NOTCH2: variants seen among roughly 807,000 people sequenced by gnomAD.
The protein encoded by NOTCH2 is notch receptor 2, also known as neurogenic locus notch homolog protein 2.
In NOTCH2, 29 loss-of-function variants were observed where a neutral mutation model predicts 235.8. That is an observed-to-expected ratio of 0.12 (90% CI 0.09 to 0.17). The LOEUF (loss-of-function observed/expected upper bound fraction) is 0.17, where lower values mean the gene tolerates loss of function less well. NOTCH2 is among the 10% of genes least tolerant of loss of function. NOTCH2 has a pLI of 1.00. For synonymous variants in NOTCH2, 1,086 were observed against 1,141.5 expected (o/e 0.95, Z 0.98); for missense variants, 2,285 against 3,150.2 (o/e 0.73, Z 6.57).
intron 1 of NOTCH2, among the ~76,000 whole-genome samples, chr1:120,047,765 GTTTT>G (rs782246481): frequency 2.7e-5 from 3 of 109,276 alleles, no homozygotes; most frequent in African/African-American, 8.6e-5. Flanking sequence ...CTTTACCTTG[GTTTT>G]TTTTTTTTTT....
chr1:119,916,296 A>C lies in NOTCH2; in HGVS notation c.6426T>G (p.Ser2142=). 5 of 1,614,214 alleles carry C rather than the reference A, an allele frequency of 3.1e-6. No homozygotes were observed. The highest frequency in any genetic ancestry group is 4.2e-6 in the Non-Finnish European group (5 of 1,180,024). Residue 2142 remains serine (S), a synonymous_variant, in exon 34 of 34, where the codon TCT becomes TCG. Transcript: ENST00000256646. ...KKSLSEKVQL[S]ESSVTLSPVD... is the part of the protein sequence containing the mutation. The stretch of plus-strand genomic sequence containing the variant: ...CAGGGGATAAAGTTACTGAACTCTC[A>C]GACAGTTGGACCTTCTCACTCAGAG...
chr1:119,922,483 A>C, intron 27 of NOTCH2, 37 bp from the exon 28 acceptor site: 1 of 1,598,254 alleles, frequency 6.3e-7, no homozygotes, highest in South Asian at 1.1e-5. Flanking sequence ...TGCTGAATAA[A>C]ACATTAACCT....
rs1553199544 is a variant in NOTCH2, at chr1:119,965,433, A to C, written c.1681+20T>G. On this transcript the variant is annotated intron_variant, in intron 10 of 33. Transcript: ENST00000256646. ...TTCAGATGGACCTACCAAGGAGATG[A>C]AAAGTGAGAAGAATCTTACCTGTGG... is the stretch of plus-strand genomic sequence containing the variant. The C allele has an allele frequency of 6.3e-7, 1 of 1,580,386 alleles. No individual in the cohort carries two copies. Among genetic ancestry groups the C allele is most frequent in the South Asian group, 1.1e-5 (1 of 90,422 alleles).
At position 119,997,309 on chromosome 1, in the gene NOTCH2, C is replaced by A. The variant is rs782085551; in HGVS notation, c.439G>T (p.Ala147Ser). ...FTGKECQWTD[A>S]CLSHPCANGS... ...TTTGCACAGGGATGAGACAGGCAGG[C>A]ATCCGTCCATTGGCACTCCTTACCT... is the stretch of plus-strand genomic sequence containing the variant. The change falls in exon 4 of 34, where the codon GCC becomes TCC. Residue 147 changes from alanine (A) to serine (S), a missense_variant. Physicochemically the swap from Ala to Ser is moderately conservative, Grantham distance 99. This residue lies in a region of NOTCH2 where 431 missense variants were observed against 757.8 expected (regional missense o/e 0.57). Transcript: ENST00000256646. 9.3e-6 allele frequency: 15 copies of A among 1,613,926 alleles called. No homozygotes were observed. Among genetic ancestry groups the A allele is most frequent in the Middle Eastern group, 1.6e-4 (1 of 6,078 alleles).
intron 5 of NOTCH2, among the ~76,000 whole-genome samples, chr1:119,974,367 C>A (rs1372132886): frequency 6.6e-6 from 1 of 152,174 alleles, no homozygotes; most frequent in Non-Finnish European, 1.5e-5. Flanking sequence ...AGGCAGTGGA[C>A]TAGTTAGGCT....
chr1:119,999,872 AC>A (rs1652645527), intron 3 of NOTCH2, among the ~76,000 whole-genome samples: 1 of 149,720 alleles, frequency 6.7e-6, no homozygotes, highest in African/African-American at 2.5e-5. Context: ...GAGAAGAAAG[AC>A]AGACAGAAAG....
At position 119,948,658 on chromosome 1, in the gene NOTCH2, A is replaced by T. The variant is rs1650347081; in HGVS notation, c.2600-92T>A. 10 of 1,442,836 alleles carry T rather than the reference A, an allele frequency of 6.9e-6. No individual in the cohort carries two copies. In the Admixed American group the frequency reaches 1.7e-4, roughly 24 times the overall value. The allele number at this position is 1,442,836 out of a possible 1,614,324, so 89.4% of individuals were successfully genotyped here. On this transcript the variant is annotated intron_variant, in intron 16 of 33. Coordinates refer to ENST00000256646, the MANE Select transcript of NOTCH2 (RefSeq NM_024408.4). The stretch of plus-strand genomic sequence containing the variant: ...ACCTGAGCTTAGTTGGGGTGCATGG[A>T]GCTATTCCACAGACAAACTGGTTGG...
intron 5 of NOTCH2, among the ~76,000 whole-genome samples, chr1:119,973,705 C>G (rs1462801533): frequency 6.6e-6 from 1 of 152,100 alleles, no homozygotes; most frequent in Admixed American, 6.5e-5. Context: ...CAGAAGGTCA[C>G]TAGATATTTG....
intron 5 of NOTCH2, among the ~76,000 whole-genome samples, chr1:119,985,124 A>G (rs1351366538): frequency 2.0e-5 from 3 of 152,174 alleles, no homozygotes; most frequent in African/African-American, 7.2e-5. Context: ...TGAAGCCATG[A>G]AAGGCTTCAT....
chr1:120,016,024 T>TA (rs1469824654), intron 2 of NOTCH2, among the ~76,000 whole-genome samples: 4 of 126,602 alleles, frequency 3.2e-5, no homozygotes, highest in African/African-American at 1.2e-4. Flanking sequence ...AAAAGAACTT[T>TA]AAAAAAAAGT....
intron 3 of NOTCH2, among the ~76,000 whole-genome samples, chr1:120,003,313 C>A (rs1553205771): frequency 6.6e-6 from 1 of 151,452 alleles, no homozygotes; most frequent in African/African-American, 2.4e-5. Context: ...ATTGTGGGAC[C>A]TTGTGATCAT....
chr1:119,948,912 A>G, intron 16 of NOTCH2, 95 bp downstream of exon 16: 1 of 1,496,008 alleles, frequency 6.7e-7, no homozygotes, highest in South Asian at 1.1e-5. Context: ...CAGGCCTCAT[A>G]AGACCAGCAG....
chr1:120,064,590 C>G (rs1655431478), intron 1 of NOTCH2, among the ~76,000 whole-genome samples: 1 of 151,962 alleles, frequency 6.6e-6, no homozygotes, highest in African/African-American at 2.4e-5. Flanking sequence ...CAGACAAGTT[C>G]TGTAGTACAG....
chr1:120,040,775 T>C (rs1654512622), intron 1 of NOTCH2, among the ~76,000 whole-genome samples: 1 of 149,842 alleles, frequency 6.7e-6, no homozygotes, highest in Non-Finnish European at 1.5e-5. Flanking sequence ...CGGTGGCTCA[T>C]GTCTTTAATC....
intron 2 of NOTCH2, among the ~76,000 whole-genome samples, chr1:120,009,797 C>G (rs1489885789): frequency 6.7e-6 from 1 of 149,914 alleles, no homozygotes; most frequent in Admixed American, 6.6e-5. Flanking sequence ...AAGTCTTAGT[C>G]TGGATTGCTG....
At chr1:120,065,801 G>C (rs1557868530) in intron 1 of NOTCH2, among the ~76,000 whole-genome samples, 1 of 152,186 alleles carries the variant, frequency 6.6e-6, no homozygotes. Flanking sequence ...ATCAGGAAAG[G>C]GTGGAAGGAA....
Position 119,914,993 on chromosome 1 carries a change from G to C in NOTCH2, c.*313C>G. On this transcript the variant is annotated 3_prime_UTR_variant, in exon 34 of 34. Transcript: ENST00000256646. ...GCTTAAAATGCAGTCCAAGCTGCAA[G>C]AATGTCTGGGCTTCAATAAGCATCC... The C allele has an allele frequency of 2.2e-6, 1 of 464,054 alleles. No individual in the cohort carries two copies. Among genetic ancestry groups the C allele is most frequent in the East Asian group, 3.8e-5 (1 of 26,090 alleles). The allele number at this position is 464,054 out of a possible 1,614,324, so 28.7% of individuals were successfully genotyped here.
At chr1:120,045,810 T>C (rs1180776713) in intron 1 of NOTCH2, among the ~76,000 whole-genome samples, 4 of 152,226 alleles carry the variant, frequency 2.6e-5, no homozygotes, top group African/African-American at 7.2e-5. Context: ...AGAACAAATA[T>C]CTTAGACATT....
rs1446092371 is a variant in NOTCH2 at position 119,915,718 on chromosome 1, G to C, written c.7004C>G (p.Pro2335Arg). Residue 2335 changes from proline to arginine, a missense_variant, in exon 34 of 34, where the codon CCC becomes CGC. This residue lies in a region of NOTCH2 where 504 missense variants were observed against 538.0 expected (regional missense o/e 0.94). Coordinates refer to ENST00000256646, the MANE Select transcript of NOTCH2 (RefSeq NM_024408.4). ...QSTCPPAVAG[P>R]LPTMYQIPEM... ...TGGAATCTGGTACATGGTGGGCAGG[G>C]GGCCCGCAACAGCTGGAGGGCAGGT... 6.2e-7 allele frequency: 1 copy of C among 1,609,240 alleles called. No individual in the cohort carries two copies. The highest frequency in any genetic ancestry group is 8.5e-7 in the Non-Finnish European group (1 of 1,176,808).
Sources: gnomAD v4.1 joint callset for allele counts (sites outside exome capture counted in the v4.1 genomes callset) on GRCh38, gnomAD v4.1.1 for gene constraint, gnomAD v4.1.1 regional missense constraint, MANE v1.5 for transcripts, NCBI Gene and HGNC (gene_info 2026-07-23, HGNC 2026-07-21) for gene names.